The following ROCK2 variants were observed in gnomAD, a reference collection of about 807,000 sequenced individuals.
ROCK2 encodes rho-associated protein kinase 2.
A neutral mutation model predicts 195.1 loss-of-function variants in ROCK2; 61 were observed. That is an observed-to-expected ratio of 0.31 (90% CI 0.25 to 0.39). The LOEUF is 0.39. Ranked by LOEUF, ROCK2 falls within the 10% of genes least tolerant of loss-of-function variation. ROCK2 has a pLI of 1.00. For missense variants in ROCK2, 1,109 were observed against 1,637.4 expected (o/e 0.68, Z 5.57); for synonymous variants, 504 against 545.5 (o/e 0.92, Z 1.06).
intron 3 of ROCK2, among the ~76,000 whole-genome samples, chr2:11,257,441 C>A (rs1024525960): frequency 2.0e-5 from 3 of 151,540 alleles, no homozygotes; most frequent in African/African-American, 7.4e-5. Flanking sequence ...GCTTCAGGTT[C>A]TTCAGACTGT....
At chr2:11,217,347 T>A (rs538226267) in intron 11 of ROCK2, 178 bp from the exon 12 acceptor site, 2 of 700,644 alleles carry the variant, frequency 2.9e-6, no homozygotes, top group East Asian at 5.6e-5. Context: ...AACTCCCCCA[T>A]CTCTTGCTTT....
At position 11,192,633 on chromosome 2, in the gene ROCK2, ATATAATTAGATT is replaced by A; in HGVS notation, c.3755_3766del (p.Lys1252_Tyr1255del). On this transcript the variant is annotated inframe_deletion, in exon 31 of 33. Transcript: ENST00000315872. The surrounding 1 kb of genome is among the most constrained non-coding windows in gnomAD (Gnocchi z 5.0). ...AATAAACTCATGTCCCTTGTGGCAAATATAATTAGATTTTTCTCCAACTGGCTCCACTGGAAA... is the reference window on the plus strand; with the variant it reads ...AATAAACTCATGTCCCTTGTGGCAAATTTCTCCAACTGGCTCCACTGGAAA... The A allele has an allele frequency of 6.2e-7, 1 of 1,614,008 alleles. No homozygotes were observed. The highest frequency in any genetic ancestry group is 8.5e-7 in the Non-Finnish European group (1 of 1,179,964).
Position 11,222,195 on chromosome 2 carries a change from T to C in ROCK2, c.1008-21A>G, listed in dbSNP as rs373256334. On this transcript the variant is annotated intron_variant, in intron 7 of 32. Transcript: ENST00000315872. ...CCTCCCTAAACAATGCAGTTAAAGA[T>C]TGTATTATTTAAAAATTATAAAATA... is the stretch of plus-strand genomic sequence containing the variant. 5.2e-4 allele frequency: 703 copies of C among 1,356,812 alleles called. 6 individuals carry two copies. The highest frequency in any genetic ancestry group is 4.8e-3 in the South Asian group (359 of 74,966). 84.0% of individuals were successfully genotyped at this position (1,356,812 alleles called of 1,614,324 possible).
At chr2:11,279,145 A>G (rs1357035797) in intron 3 of ROCK2, among the ~76,000 whole-genome samples, 2 of 152,234 alleles carry the variant, frequency 1.3e-5, no homozygotes, top group African/African-American at 4.8e-5. Context: ...AGGCAACAAA[A>G]GAAAACAACA....
intron 3 of ROCK2, among the ~76,000 whole-genome samples, chr2:11,285,126 G>A (rs1194349334): frequency 6.6e-6 from 1 of 152,052 alleles, no homozygotes; most frequent in African/African-American, 2.4e-5. Flanking sequence ...GCCAGGCGTG[G>A]TGGTGCATGC....
chr2:11,249,608 A>T, intron 4 of ROCK2, 53 bp downstream of exon 4: 4 of 1,338,088 alleles, frequency 3.0e-6, no homozygotes, highest in Non-Finnish European at 3.9e-6. Context: ...ACTCATGAAT[A>T]ATAAAGCACT....
At chr2:11,343,715 C>T (rs1382020893) in intron 1 of ROCK2, among the ~76,000 whole-genome samples, 1 of 152,140 alleles carries the variant, frequency 6.6e-6, no homozygotes, top group East Asian at 1.9e-4. Flanking sequence ...AGTGGGCAGG[C>T]GGAAGGAGAA....
At chr2:11,305,420 T>A (rs1212705972) in intron 1 of ROCK2, among the ~76,000 whole-genome samples, 2 of 145,180 alleles carry the variant, frequency 1.4e-5, no homozygotes, top group East Asian at 4.2e-4. Context: ...GAAATATAGA[T>A]GTAGATAAAT....
chr2:11,323,029 G>A (rs1374971479), intron 1 of ROCK2, among the ~76,000 whole-genome samples: 1 of 151,318 alleles, frequency 6.6e-6, no homozygotes, highest in South Asian at 2.1e-4. Flanking sequence ...TGAACCTAAG[G>A]GGATTTTTTA....
At chr2:11,187,612 T>C (rs1344443907) in intron 32 of ROCK2, among the ~76,000 whole-genome samples, 1 of 152,246 alleles carries the variant, frequency 6.6e-6, no homozygotes, top group African/African-American at 2.4e-5. Context: ...GCAATCTTTT[T>C]TCTCAATGAT....
At chr2:11,322,936 A>G (rs977844395) in intron 1 of ROCK2, among the ~76,000 whole-genome samples, 2 of 152,188 alleles carry the variant, frequency 1.3e-5, no homozygotes, top group African/African-American at 4.8e-5. Flanking sequence ...GTAAGTATAG[A>G]TCATACAGTG....
chr2:11,207,585 C>T (rs1021937604), intron 20 of ROCK2, 141 bp downstream of exon 20: 31 of 534,342 alleles, frequency 5.8e-5, no homozygotes, highest in South Asian at 3.2e-4. Context: ...AACAGTGACA[C>T]TCAACACATT....
At chr2:11,302,551 C>G (rs1667740921) in intron 1 of ROCK2, among the ~76,000 whole-genome samples, 1 of 152,168 alleles carries the variant, frequency 6.6e-6, no homozygotes, top group Non-Finnish European at 1.5e-5. Flanking sequence ...AATCTGACTT[C>G]CCACTATTTA....
At position 11,344,316 on chromosome 2, in the gene ROCK2, CGCCCGGCCCAGCCCGGCCCA is replaced by C. The variant is rs1172971292; in HGVS notation, c.-200_-181del. 1.5e-4 allele frequency: 179 copies of C among 1,187,784 alleles called. 1 individual carries two copies. Among genetic ancestry groups the C allele is most frequent in the East Asian group, 8.1e-4 (23 of 28,412 alleles). The allele number at this position is 1,187,784 out of a possible 1,614,324, so 73.6% of individuals were successfully genotyped here. On this transcript the variant is annotated 5_prime_UTR_variant, in exon 1 of 33. Coordinates refer to ENST00000315872, the MANE Select transcript of ROCK2 (RefSeq NM_004850.5). This position sits in a 1 kb window ranked among gnomAD's most constrained non-coding sequence, Gnocchi z 5.4. ...CGCCTGGGGGCTGCTCCCAGGGGCC[CGCCCGGCCCAGCCCGGCCCA>C]GCCCGGCCCGGCCCTGCCGGGAGCG... is the stretch of plus-strand genomic sequence containing the variant.
chr2:11,308,493 C>T (rs1667933755), intron 1 of ROCK2: 21 of 1,594,180 alleles, frequency 1.3e-5, no homozygotes, highest in Non-Finnish European at 1.8e-5. Context: ...ACTTTCTTAC[C>T]AAGGTTGCCA....
intron 1 of ROCK2, among the ~76,000 whole-genome samples, chr2:11,315,810 C>T (rs748480037): frequency 2.6e-5 from 4 of 152,182 alleles, no homozygotes; most frequent in Middle Eastern, 3.4e-3. Flanking sequence ...TATTAAATTA[C>T]ATATATCTAA....
intron 20 of ROCK2, among the ~76,000 whole-genome samples, chr2:11,205,590 T>G (rs907704534): frequency 1.9e-4 from 29 of 148,796 alleles, no homozygotes; most frequent in Admixed American, 1.7e-3. Context: ...AAATTCCCAT[T>G]GCATGTATTT....
At chr2:11,263,905 TAGTC>T (rs1316256120) in intron 3 of ROCK2, among the ~76,000 whole-genome samples, 2 of 150,652 alleles carry the variant, frequency 1.3e-5, no homozygotes. Flanking sequence ...CAGTTTATAT[TAGTC>T]AGATCAGATG....
At chr2:11,312,118 C>T (rs1382953505) in intron 1 of ROCK2, among the ~76,000 whole-genome samples, 1 of 152,114 alleles carries the variant, frequency 6.6e-6, no homozygotes, top group African/African-American at 2.4e-5. Context: ...TATTGAAAAA[C>T]ATATTTTTCA....
Sources: gnomAD v4.1 joint callset for allele counts (sites outside exome capture counted in the v4.1 genomes callset) on GRCh38, gnomAD v4.1.1 for gene constraint, Gnocchi (gnomAD v3.1) non-coding constraint, MANE v1.5 for transcripts, NCBI Gene and HGNC (gene_info 2026-07-23, HGNC 2026-07-21) for gene names.